LSAMP: variants seen among roughly 807,000 people sequenced by gnomAD.
The protein encoded by LSAMP is limbic system associated membrane protein.
Under a neutral mutation model 38.6 loss-of-function variants are expected in LSAMP, and 7 were observed. The observed-to-expected ratio is 0.18, with a 90% CI of 0.10 to 0.34. The LOEUF (loss-of-function observed/expected upper bound fraction) is 0.34, where lower values mean the gene tolerates loss of function less well. Ranked by LOEUF, LSAMP falls within the 10% of genes least tolerant of loss-of-function variation. LSAMP has a pLI of 1.00. For missense variants in LSAMP, 313 were observed against 420.0 expected (o/e 0.75, Z 2.23); for synonymous variants, 154 against 166.8 (o/e 0.92, Z 0.59).
chr3:116,000,091 C>T lies in LSAMP; in HGVS notation c.514+19424G>A, dbSNP rs115728079. Among the ~76,000 whole-genome samples the T allele has an allele frequency of 2.9e-3, 443 of 152,206 alleles. 2 individuals are homozygous for T. The highest frequency in any genetic ancestry group is 0.01 in the African/African-American group (429 of 41,526). On this transcript the variant is annotated intron_variant, in intron 3 of 6. Transcript: ENST00000490035. ...AATGGTTTCTGGACTCAGATAATTA[C>T]CCAGTATCAAGAGAAGATTCAAGCC...
In LSAMP at chr3:116,273,489, A is replaced by G. The variant is rs1173305489; in HGVS notation, c.155+171388T>C. ...GTTTGTAGTCTTAGTCCAAGAAAGA[A>G]AAAGGAAATTAAACAACGAAACAAC... On this transcript the variant is annotated intron_variant, in intron 1 of 6. Transcript: ENST00000490035. Among the ~76,000 whole-genome samples, 6 of 151,630 alleles carry G rather than the reference A, an allele frequency of 4.0e-5. No homozygotes were observed. The South Asian group carries it at 1.2e-3, about 32-fold the overall frequency.
intron 1 of LSAMP, among the ~76,000 whole-genome samples, chr3:116,227,107 T>C (rs2107623056): frequency 6.6e-6 from 1 of 152,322 alleles, no homozygotes; most frequent in African/African-American, 2.4e-5. Flanking sequence ...ATCTATATTA[T>C]CACATAGTCA....
At chr3:115,956,845 T>G (rs541304612) in intron 3 of LSAMP, among the ~76,000 whole-genome samples, 3 of 152,300 alleles carry the variant, frequency 2.0e-5, no homozygotes, top group African/African-American at 4.8e-5. Flanking sequence ...TTCAAGGGTT[T>G]CTTGGATTTA....
At chr3:116,419,962 T>C (rs188182230) in intron 1 of LSAMP, among the ~76,000 whole-genome samples, 2 of 152,260 alleles carry the variant, frequency 1.3e-5, no homozygotes, top group African/African-American at 4.8e-5. Flanking sequence ...TCCTATAACA[T>C]CTAAGTGACA....
intron 2 of LSAMP, among the ~76,000 whole-genome samples, chr3:116,054,741 T>C (rs1210187305): frequency 6.6e-6 from 1 of 152,172 alleles, no homozygotes; most frequent in Admixed American, 6.5e-5. Flanking sequence ...TTTGGAAGAC[T>C]AAAATCATTT....
intron 3 of LSAMP, among the ~76,000 whole-genome samples, chr3:115,970,059 G>A (rs1346988413): frequency 6.6e-6 from 1 of 152,136 alleles, no homozygotes; most frequent in East Asian, 1.9e-4. Flanking sequence ...GAGAAAAGAT[G>A]CAGAACATTC....
intron 1 of LSAMP, among the ~76,000 whole-genome samples, chr3:116,260,784 A>G (rs1549831): frequency 0.79 from 120,626 of 152,082 alleles, 48,145 homozygotes; most frequent in Non-Finnish European, 0.84. Flanking sequence ...GTGTGTATCT[A>G]TGCCTTGAGG....
At chr3:115,998,739 G>A (rs537907790) in intron 3 of LSAMP, among the ~76,000 whole-genome samples, 14 of 152,198 alleles carry the variant, frequency 9.2e-5, no homozygotes, top group Admixed American at 8.5e-4. Flanking sequence ...GCTTTGAGAC[G>A]AAGAGTGATC....
intron 1 of LSAMP, among the ~76,000 whole-genome samples, chr3:116,095,224 A>G (rs1399860013): frequency 6.6e-6 from 1 of 151,730 alleles, no homozygotes; most frequent in Non-Finnish European, 1.5e-5. Context: ...TTAGGCTACC[A>G]CTTATTACAA....
At chr3:116,306,692 A>G (rs2047489598) in intron 1 of LSAMP, among the ~76,000 whole-genome samples, 1 of 152,162 alleles carries the variant, frequency 6.6e-6, no homozygotes, top group East Asian at 1.9e-4. Context: ...AAAGAGAACT[A>G]TAAAACAAAA....
chr3:116,302,427 T>C (rs750378790), intron 1 of LSAMP, among the ~76,000 whole-genome samples: 10 of 152,182 alleles, frequency 6.6e-5, no homozygotes, highest in Non-Finnish European at 1.2e-4. Context: ...AGAACGGTAA[T>C]CACCTCTAAA....
intron 1 of LSAMP, among the ~76,000 whole-genome samples, chr3:116,116,417 C>T (rs186111252): frequency 8.5e-4 from 128 of 151,390 alleles, no homozygotes; most frequent in Admixed American, 8.2e-3. Context: ...GTAACAAAGG[C>T]TGGGCACAGT....
chr3:115,934,261 C>T lies in LSAMP; in HGVS notation c.515-81644G>A, dbSNP rs554377304. ...TGGTGCCATCTTGGCTCACTGCAACCTCCGCCTCCCTAGTTCAAGCAATTC... is the reference window on the plus strand; with the variant it reads ...TGGTGCCATCTTGGCTCACTGCAACTTCCGCCTCCCTAGTTCAAGCAATTC... On this transcript the variant is annotated intron_variant, in intron 3 of 6. Transcript: ENST00000490035. Among the ~76,000 whole-genome samples, 6 of 151,920 alleles carry T rather than the reference C, an allele frequency of 3.9e-5. No homozygotes were observed. The South Asian group carries it at 1.2e-3, about 32-fold the overall frequency.
intron 3 of LSAMP, among the ~76,000 whole-genome samples, chr3:115,995,533 T>C (rs1939791154): frequency 6.6e-6 from 1 of 152,112 alleles, no homozygotes; most frequent in African/African-American, 2.4e-5. Flanking sequence ...ATTTATGTTT[T>C]TGTTGTCAAT....
intron 6 of LSAMP, among the ~76,000 whole-genome samples, chr3:115,835,426 A>T (rs1449841728): frequency 1.3e-5 from 2 of 152,186 alleles, no homozygotes; most frequent in Admixed American, 1.3e-4. Flanking sequence ...CTCATGAAAG[A>T]CCTAAGATTA....
chr3:116,200,609 A>T (rs1395299000), intron 1 of LSAMP, among the ~76,000 whole-genome samples: 1 of 152,156 alleles, frequency 6.6e-6, no homozygotes, highest in African/African-American at 2.4e-5. Flanking sequence ...TTTGTCATAA[A>T]ATCACCCAGT....
intron 3 of LSAMP, among the ~76,000 whole-genome samples, chr3:115,898,712 C>T (rs182470771): frequency 6.6e-4 from 100 of 152,088 alleles, no homozygotes; most frequent in African/African-American, 2.2e-3. Flanking sequence ...GCCTCCCTGG[C>T]TATGACTGAA....
At chr3:115,956,521 C>T (rs145292546) in intron 3 of LSAMP, among the ~76,000 whole-genome samples, 35 of 152,106 alleles carry the variant, frequency 2.3e-4, no homozygotes, top group African/African-American at 8.4e-4. Flanking sequence ...GGTTGCCCAC[C>T]TCTATTCTTA....
At chr3:116,336,430 G>T (rs1360961822) in intron 1 of LSAMP, among the ~76,000 whole-genome samples, 1 of 151,894 alleles carries the variant, frequency 6.6e-6, no homozygotes, top group African/African-American at 2.4e-5. Flanking sequence ...CAAAAATCTT[G>T]ATTCAAAAAT....
Sources: allele counts gnomAD v4.1 joint callset (sites outside exome capture counted in the v4.1 genomes callset), GRCh38; gene constraint gnomAD v4.1.1; transcripts MANE v1.5; gene names NCBI Gene and HGNC (gene_info 2026-07-23, HGNC 2026-07-21).